PLCB1: variants seen among roughly 807,000 people sequenced by gnomAD.
PLCB1 encodes the protein phospholipase C beta 1, also known as 1-phosphatidylinositol 4,5-bisphosphate phosphodiesterase beta-1.
A neutral mutation model predicts 161.8 loss-of-function variants in PLCB1; 46 were observed. The ratio of observed to expected loss-of-function variants is 0.28; its 90% CI spans 0.22 to 0.36. PLCB1 has a LOEUF of 0.36. Ranked by LOEUF, PLCB1 falls within the 10% of genes least tolerant of loss-of-function variation. The pLI, the probability that PLCB1 is intolerant of heterozygous loss-of-function variation, is 1.00. For missense variants in PLCB1, 1,016 were observed against 1,472.5 expected, an observed-to-expected ratio of 0.69 and a Z score of 5.07; for synonymous variants, 517 against 503.7, an observed-to-expected ratio of 1.03 and a Z score of -0.35.
chr20:8,146,227 C>T (rs1242182739), intron 1 of PLCB1, among the ~76,000 whole-genome samples: 1 of 152,058 alleles, frequency 6.6e-6, no homozygotes. Flanking sequence ...AAAAAGCCTC[C>T]CTTGCAGGGC....
At chr20:8,153,636 C>G (rs941526175) in intron 2 of PLCB1, among the ~76,000 whole-genome samples, 1 of 152,106 alleles carries the variant, frequency 6.6e-6, no homozygotes, top group African/African-American at 2.4e-5. Flanking sequence ...AAAACCTATC[C>G]TGCTAGAATA....
At chr20:8,765,099 G>A in intron 25 of PLCB1, 40 bp from the exon 26 acceptor site, 1 of 1,494,046 alleles carries the variant, frequency 6.7e-7, no homozygotes, top group Non-Finnish European at 9.2e-7. Context: ...TGGATGTTCA[G>A]CCCTCCCATT....
intron 3 of PLCB1, among the ~76,000 whole-genome samples, chr20:8,457,893 A>C (rs906426950): frequency 2.0e-5 from 3 of 152,188 alleles, no homozygotes; most frequent in Admixed American, 2.0e-4. Context: ...GTTATTTTTA[A>C]ATATGCTTGT....
intron 7 of PLCB1, among the ~76,000 whole-genome samples, chr20:8,654,343 T>G (rs1390526552): frequency 6.6e-6 from 1 of 152,062 alleles, no homozygotes; most frequent in Non-Finnish European, 1.5e-5. Context: ...AAGTCATCAC[T>G]GACAGTGCGT....
At chr20:8,666,794 A>T (rs1438998460) in intron 9 of PLCB1, among the ~76,000 whole-genome samples, 2 of 152,124 alleles carry the variant, frequency 1.3e-5, no homozygotes, top group Non-Finnish European at 2.9e-5. Context: ...CTTCTAACAA[A>T]GTCTCGTGAG....
chr20:8,564,611 T>C (rs1257973120), intron 3 of PLCB1, among the ~76,000 whole-genome samples: 2 of 151,928 alleles, frequency 1.3e-5, no homozygotes, highest in Non-Finnish European at 2.9e-5. Context: ...ATATTCAGAA[T>C]CTACAAAGAG....
At chr20:8,136,003 G>T (rs2051343101) in intron 1 of PLCB1, among the ~76,000 whole-genome samples, 1 of 152,098 alleles carries the variant, frequency 6.6e-6, no homozygotes, top group South Asian at 2.1e-4. Flanking sequence ...GAAAGAGCAA[G>T]GACTGTAAAC....
At chr20:8,297,769 C>G (rs1233939641) in intron 2 of PLCB1, among the ~76,000 whole-genome samples, 1 of 152,038 alleles carries the variant, frequency 6.6e-6, no homozygotes, top group African/African-American at 2.4e-5. Flanking sequence ...TTTGGTCAGT[C>G]AAGAGCTATT....
intron 3 of PLCB1, among the ~76,000 whole-genome samples, chr20:8,522,221 T>C (rs1249354696): frequency 2.6e-5 from 4 of 152,214 alleles, no homozygotes; most frequent in Admixed American, 6.5e-5. Context: ...TCCCCTTGGA[T>C]TGAACACACA....
At chr20:8,595,228 C>T (rs942080760) in intron 3 of PLCB1, among the ~76,000 whole-genome samples, 10 of 134,238 alleles carry the variant, frequency 7.4e-5, no homozygotes, top group Admixed American at 1.5e-4. Context: ...TTAGGTATAT[C>T]TCCCAGTGCT....
chr20:8,839,536 G>T (rs566648698), intron 31 of PLCB1, among the ~76,000 whole-genome samples: 2 of 152,200 alleles, frequency 1.3e-5, no homozygotes, highest in African/African-American at 4.8e-5. Context: ...TCCCAATAAA[G>T]CTTGGAAGTA....
At chr20:8,738,788 G>A (rs968189153) in intron 20 of PLCB1, among the ~76,000 whole-genome samples, 7 of 152,148 alleles carry the variant, frequency 4.6e-5, no homozygotes, top group African/African-American at 1.7e-4. Flanking sequence ...CTCTGAAAAT[G>A]AAATTTATAG....
intron 3 of PLCB1, among the ~76,000 whole-genome samples, chr20:8,508,317 A>G (rs1052429818): frequency 6.6e-6 from 1 of 152,140 alleles, no homozygotes; most frequent in African/African-American, 2.4e-5. Context: ...CGTCCATCCC[A>G]GTTTTGTTTT....
chr20:8,324,926 C>T (rs1486029431), intron 2 of PLCB1, among the ~76,000 whole-genome samples: 2 of 152,124 alleles, frequency 1.3e-5, no homozygotes, highest in Non-Finnish European at 2.9e-5. Context: ...GTGGGAATAA[C>T]GTCTAAGTAA....
intron 3 of PLCB1, among the ~76,000 whole-genome samples, chr20:8,407,287 C>T (rs1040474479): frequency 1.1e-4 from 17 of 152,006 alleles, no homozygotes; most frequent in African/African-American, 3.9e-4. Flanking sequence ...TCACAGATAA[C>T]GAGTATCTTC....
At chr20:8,840,326 G>C (rs542630236) in intron 31 of PLCB1, among the ~76,000 whole-genome samples, 7 of 152,174 alleles carry the variant, frequency 4.6e-5, no homozygotes, top group Non-Finnish European at 1.0e-4. Flanking sequence ...TCTGCTTTTA[G>C]TAATCTCACT....
intron 3 of PLCB1, among the ~76,000 whole-genome samples, chr20:8,539,784 CCT>C (rs200807364): frequency 0.018 from 2,697 of 151,130 alleles, 72 homozygotes; most frequent in African/African-American, 0.058. Flanking sequence ...TTCCTTCCTT[CCT>C]TCCTTTCTCT....
At chr20:8,804,579 A>T (rs1360594242) in intron 31 of PLCB1, among the ~76,000 whole-genome samples, 1 of 152,212 alleles carries the variant, frequency 6.6e-6, no homozygotes, top group Admixed American at 6.5e-5. Context: ...TAGTGTATGG[A>T]AAAAAGATTT....
At chr20:8,532,390 A>G (rs1051918686) in intron 3 of PLCB1, among the ~76,000 whole-genome samples, 3 of 152,130 alleles carry the variant, frequency 2.0e-5, no homozygotes, top group Non-Finnish European at 2.9e-5. Context: ...TTCCACACAT[A>G]TGGTTTATGC....
Sources: gnomAD v4.1 joint callset for allele counts (sites outside exome capture counted in the v4.1 genomes callset) on GRCh38, gnomAD v4.1.1 for gene constraint, MANE v1.5 for transcripts, NCBI Gene and HGNC (gene_info 2026-07-23, HGNC 2026-07-21) for gene names.